The following QRICH1 variants were observed in gnomAD, a reference collection of about 807,000 sequenced individuals.
The protein encoded by QRICH1 is glutamine rich 1, also known as transcriptional regulator QRICH1.
A neutral mutation model predicts 87.1 loss-of-function variants in QRICH1; 16 were observed. That is an observed-to-expected ratio of 0.18 (90% confidence interval 0.12 to 0.28). QRICH1 has a LOEUF of 0.28. Among genes scored for constraint, QRICH1 ranks in the 10% least tolerant of loss-of-function variants. QRICH1 has a pLI of 1.00. For missense variants in QRICH1, 647 were observed against 951.7 expected (o/e 0.68, Z 4.21); for synonymous variants, 367 against 368.4 (o/e 1.00, Z 0.05).
Position 49,053,789 on chromosome 3 carries a change from A to C in QRICH1, c.1338+3073T>G, listed in dbSNP as rs572355104. 2.6e-5 allele frequency among the ~76,000 whole-genome samples: 4 copies of C among 152,354 alleles called. 1 individual carries two copies. Among genetic ancestry groups the C allele is most frequent in the African/African-American group, 9.6e-5 (4 of 41,582 alleles). On this transcript the variant is annotated intron_variant, in intron 3 of 9. Coordinates refer to ENST00000395443, the MANE Select transcript of QRICH1 (RefSeq NM_198880.3). ...TGGTTTTAAAGACAGAAGATATGAT[A>C]GCTTTCATAAAAGGTATGGCCCTCT...
At chr3:49,058,105 G>T in intron 2 of QRICH1, 1 of 784,636 alleles carries the variant, frequency 1.3e-6, no homozygotes, top group Non-Finnish European at 1.9e-6. Context: ...CCACCCCAGA[G>T]AGCAAGCAAG....
chr3:49,036,417 G>A (rs556449013), intron 6 of QRICH1, among the ~76,000 whole-genome samples: 4 of 152,268 alleles, frequency 2.6e-5, no homozygotes, highest in African/African-American at 9.6e-5. Context: ...TCCAAGATGG[G>A]ACTGAAACAT....
At chr3:49,037,790 C>G (rs1044044390) in intron 6 of QRICH1, among the ~76,000 whole-genome samples, 2 of 151,102 alleles carry the variant, frequency 1.3e-5, no homozygotes, top group Admixed American at 6.6e-5. Context: ...CCACACCAGC[C>G]TGACCTGGTG....
intron 2 of QRICH1, among the ~76,000 whole-genome samples, chr3:49,065,607 AC>A (rs747989880): frequency 8.3e-4 from 127 of 152,310 alleles, no homozygotes; most frequent in Non-Finnish European, 1.4e-3. Flanking sequence ...GCAAATTAAT[AC>A]ATTGGCATTG....
intron 3 of QRICH1, among the ~76,000 whole-genome samples, chr3:49,050,422 C>CAAAAAAAAAAA: frequency 1.7e-5 from 1 of 58,616 alleles, no homozygotes; most frequent in Non-Finnish European, 2.9e-5. Flanking sequence ...GACTCTGTCT[C>CAAAAAAAAAAA]AAAAAAAAAA....
chr3:49,070,988 T>A (rs2093497118), intron 2 of QRICH1, among the ~76,000 whole-genome samples: 1 of 152,110 alleles, frequency 6.6e-6, no homozygotes, highest in African/African-American at 2.4e-5. Context: ...CACTGCAACC[T>A]CTACCTTCCA....
intron 6 of QRICH1, among the ~76,000 whole-genome samples, chr3:49,044,038 C>G (rs1380991383): frequency 2.6e-5 from 4 of 152,220 alleles, no homozygotes; most frequent in Non-Finnish European, 5.9e-5. Context: ...ACATGCTGTC[C>G]AGAAGGCTGC....
At chr3:49,064,741 T>C (rs1039390766) in intron 2 of QRICH1, among the ~76,000 whole-genome samples, 1 of 151,936 alleles carries the variant, frequency 6.6e-6, no homozygotes, top group African/African-American at 2.4e-5. Flanking sequence ...TAAAGCCAGA[T>C]GCAGTGGCTC....
Position 49,033,193 on chromosome 3 carries a change from G to A in QRICH1, c.1822C>T (p.Leu608=). The A allele has an allele frequency of 6.3e-7, 1 of 1,585,214 alleles. No individual in the cohort carries two copies. Reference sequence around the variant, plus strand: ...GCCCCAAGCTGCTTGCACTCCCATAGCATCTCCTCAGTCACGTGGCTGGGC... The same window carrying A: ...GCCCCAAGCTGCTTGCACTCCCATAACATCTCCTCAGTCACGTGGCTGGGC... ...VLPSHVTEEM[L]WECKQLGAHS... Residue 608 remains leucine, a synonymous_variant, in exon 7 of 10, where the codon CTA becomes TTA. Coordinates refer to ENST00000395443, the MANE Select transcript of QRICH1 (RefSeq NM_198880.3).
At chr3:49,082,754 G>A (rs2107013675) in intron 1 of QRICH1, among the ~76,000 whole-genome samples, 1 of 151,868 alleles carries the variant, frequency 6.6e-6, no homozygotes, top group East Asian at 1.9e-4. Context: ...AATTACCCTG[G>A]CGTGGTGGCA....
intron 2 of QRICH1, among the ~76,000 whole-genome samples, chr3:49,064,418 T>G (rs1193729808): frequency 4.0e-5 from 6 of 151,814 alleles, no homozygotes. Context: ...TTTTTTTGTT[T>G]GTTTTTGTAT....
intron 9 of QRICH1, among the ~76,000 whole-genome samples, chr3:49,031,619 G>C (rs1334771541): frequency 6.6e-6 from 1 of 152,200 alleles, no homozygotes; most frequent in Non-Finnish European, 1.5e-5. Flanking sequence ...ACAGGGAAGA[G>C]GTGGGGAATC....
At chr3:49,032,047 G>C in intron 9 of QRICH1, 136 bp downstream of exon 9, 1 of 711,862 alleles carries the variant, frequency 1.4e-6, no homozygotes, top group Non-Finnish European at 2.4e-6. Context: ...TCTAAATTTA[G>C]CTTTCTGGAA....
At chr3:49,085,257 C>T (rs1429296792) in intron 1 of QRICH1, among the ~76,000 whole-genome samples, 1 of 151,582 alleles carries the variant, frequency 6.6e-6, no homozygotes, top group Admixed American at 6.6e-5. Flanking sequence ...GAAACTAAAC[C>T]GGCCGAAAGA....
intron 5 of QRICH1, 63 bp downstream of exon 5, chr3:49,046,362 A>C (rs1446923478): frequency 8.0e-6 from 12 of 1,498,242 alleles, no homozygotes. Context: ...TTTATTAACT[A>C]AACTAGCAAA....
chr3:49,047,613 A>G lies in QRICH1; in HGVS notation c.1339-367T>C, dbSNP rs113626900. On this transcript the variant is annotated intron_variant, in intron 3 of 9. Transcript: ENST00000395443. ...AGTCTCCTGTCTCAGCCTCCCGAGT[A>G]CCTGGGTTTACAGGCATGCACCAAC... Among the ~76,000 whole-genome samples, 12 of 150,126 alleles carry G rather than the reference A, an allele frequency of 8.0e-5. 2 individuals are homozygous for G. The highest frequency in any genetic ancestry group is 2.7e-4 in the African/African-American group (11 of 40,798).
chr3:49,050,549 C>T (rs1357474774), intron 3 of QRICH1, among the ~76,000 whole-genome samples: 1 of 151,598 alleles, frequency 6.6e-6, no homozygotes, highest in East Asian at 1.9e-4. Context: ...AAAACATGTG[C>T]AAAGTTTTGC....
chr3:49,061,522 A>C (rs1275642284), intron 2 of QRICH1, among the ~76,000 whole-genome samples: 1 of 152,170 alleles, frequency 6.6e-6, no homozygotes, highest in Admixed American at 6.6e-5. Context: ...AAATTACCCT[A>C]ACCACAAGTA....
At chr3:49,035,917 A>AC (rs1233480400) in intron 6 of QRICH1, among the ~76,000 whole-genome samples, 1 of 84,002 alleles carries the variant, frequency 1.2e-5, no homozygotes, top group Non-Finnish European at 2.5e-5. Context: ...TCTACAAAAA[A>AC]AAAAAAAAAA....
Sources: allele counts gnomAD v4.1 joint callset (sites outside exome capture counted in the v4.1 genomes callset), GRCh38; gene constraint gnomAD v4.1.1; transcripts MANE v1.5; gene names NCBI Gene and HGNC (gene_info 2026-07-23, HGNC 2026-07-21).